PRKN: variants seen among roughly 807,000 people sequenced by gnomAD.
PRKN encodes parkin RBR E3 ubiquitin protein ligase.
Under a neutral mutation model 59.5 loss-of-function variants are expected in PRKN, and 56 were observed. The observed-to-expected ratio is 0.94, with a 90% CI of 0.76 to 1.18. The LOEUF (loss-of-function observed/expected upper bound fraction) is 1.18, where lower values mean the gene tolerates loss of function less well. Ranked by LOEUF, PRKN falls within the 50% of genes most tolerant of loss-of-function variation. PRKN has a pLI of 0.00. For missense variants in PRKN, 657 were observed against 596.4 expected (o/e 1.10, Z -1.06); for synonymous variants, 250 against 222.1 (o/e 1.13, Z -1.12).
intron 9 of PRKN, among the ~76,000 whole-genome samples, chr6:161,424,751 C>A (rs901518861): frequency 6.6e-6 from 1 of 152,122 alleles, no homozygotes; most frequent in Non-Finnish European, 1.5e-5. Flanking sequence ...GTAGGCAAAA[C>A]CACTGTGAGC....
intron 1 of PRKN, among the ~76,000 whole-genome samples, chr6:162,605,861 AT>A (rs1393836500): frequency 2.0e-5 from 3 of 152,120 alleles, no homozygotes; most frequent in Non-Finnish European, 4.4e-5. Context: ...AAATTTGCCA[AT>A]GGCTTCTATT....
At chr6:162,567,062 C>T (rs2128207622) in intron 1 of PRKN, among the ~76,000 whole-genome samples, 1 of 152,206 alleles carries the variant, frequency 6.6e-6, no homozygotes, top group South Asian at 2.1e-4. Flanking sequence ...AATTCAACAT[C>T]CTTCATGATA....
chr6:162,412,389 G>A (rs979122689), intron 2 of PRKN, among the ~76,000 whole-genome samples: 1 of 151,990 alleles, frequency 6.6e-6, no homozygotes, highest in African/African-American at 2.4e-5. Context: ...AGGAAGTGGG[G>A]ACTACGGGAC....
intron 7 of PRKN, among the ~76,000 whole-genome samples, chr6:161,757,014 C>T (rs961585439): frequency 6.6e-6 from 1 of 152,060 alleles, no homozygotes; most frequent in Non-Finnish European, 1.5e-5. Context: ...TCAGTGGATG[C>T]TGTTTGAAAA....
chr6:162,111,943 C>G (rs1780456910), intron 4 of PRKN, among the ~76,000 whole-genome samples: 2 of 152,146 alleles, frequency 1.3e-5, no homozygotes, highest in African/African-American at 4.8e-5. Context: ...AAACTGTGTT[C>G]CAGATACAGA....
intron 9 of PRKN, among the ~76,000 whole-genome samples, chr6:161,495,557 C>T (rs1777718375): frequency 6.6e-6 from 1 of 152,178 alleles, no homozygotes; most frequent in Non-Finnish European, 1.5e-5. Flanking sequence ...AAGGCATGTT[C>T]CCAGCCCTTC....
At chr6:162,327,579 G>A (rs1270830874) in intron 2 of PRKN, among the ~76,000 whole-genome samples, 4 of 139,760 alleles carry the variant, frequency 2.9e-5, no homozygotes, top group Admixed American at 2.2e-4. Context: ...CTTGACAATG[G>A]TTTTCTCTAC....
chr6:162,442,922 G>A (rs1333956082), intron 2 of PRKN, among the ~76,000 whole-genome samples: 1 of 152,084 alleles, frequency 6.6e-6, no homozygotes, highest in Non-Finnish European at 1.5e-5. Context: ...TCACAGTGCA[G>A]GGACTGAGCA....
At chr6:162,305,316 T>C (rs1014824311) in intron 2 of PRKN, among the ~76,000 whole-genome samples, 1 of 152,192 alleles carries the variant, frequency 6.6e-6, no homozygotes. Flanking sequence ...AAGTTAATAT[T>C]ATGATACATC....
In PRKN at chr6:162,364,668, C is replaced by T. The variant is rs566336934; in HGVS notation, c.171+78642G>A. ...ACCTTTAAAGGATTATCTTAACATG[C>T]GGCGAGCTGGGCCCTCTCATGTGTT... On this transcript the variant is annotated intron_variant, in intron 2 of 11. Transcript: ENST00000366898. 3.7e-4 allele frequency among the ~76,000 whole-genome samples: 56 copies of T among 152,144 alleles called. 1 individual carries two copies. The South Asian group carries it at 9.6e-3, about 26-fold the overall frequency.
At chr6:161,828,550 C>A (rs1792342159) in intron 6 of PRKN, among the ~76,000 whole-genome samples, 1 of 152,160 alleles carries the variant, frequency 6.6e-6, no homozygotes, top group African/African-American at 2.4e-5. Context: ...TTTCCTGCCC[C>A]TCCCACAGGC....
At chr6:162,306,799 C>T (rs1223949338) in intron 2 of PRKN, among the ~76,000 whole-genome samples, 4 of 152,134 alleles carry the variant, frequency 2.6e-5, no homozygotes, top group African/African-American at 7.2e-5. Context: ...CTATGGCCAA[C>T]GAGGCAGAGC....
chr6:161,970,509 C>G (rs1419311648), intron 6 of PRKN, among the ~76,000 whole-genome samples: 1 of 151,236 alleles, frequency 6.6e-6, no homozygotes, highest in Non-Finnish European at 1.5e-5. Context: ...AGAAATTTTA[C>G]TAAGCATGAG....
In PRKN at chr6:161,566,649, C is replaced by T. The variant is rs1220207026; in HGVS notation, c.933+2706G>A. Among the ~76,000 whole-genome samples, 1 of 152,170 alleles carries T rather than the reference C, an allele frequency of 6.6e-6. No individual in the cohort carries two copies. Among genetic ancestry groups the T allele is most frequent in the Non-Finnish European group, 1.5e-5 (1 of 68,026 alleles). On this transcript the variant is annotated intron_variant, in intron 8 of 11. Coordinates refer to ENST00000366898, the MANE Select transcript of PRKN (RefSeq NM_004562.3). The surrounding 1 kb of genome is among the most constrained non-coding windows in gnomAD (Gnocchi z 4.1). The stretch of plus-strand genomic sequence containing the variant: ...CTCAGACTCCTGACCTCAGGTGATC[C>T]ATTCGCCTTAGCCTCCCAAAGATGT...
At chr6:162,468,126 C>T (rs1003110075) in intron 1 of PRKN, among the ~76,000 whole-genome samples, 10 of 152,126 alleles carry the variant, frequency 6.6e-5, no homozygotes, top group Non-Finnish European at 1.5e-4. Flanking sequence ...AGGGACTTTG[C>T]CTCTGTATAT....
intron 7 of PRKN, among the ~76,000 whole-genome samples, chr6:161,778,065 TA>T (rs2128205001): frequency 1.3e-5 from 2 of 151,988 alleles, no homozygotes; most frequent in South Asian, 4.2e-4. Context: ...TTGTATGGGC[TA>T]GGGGCAGGGT....
chr6:162,216,561 A>AAC (rs1777678289), intron 3 of PRKN, among the ~76,000 whole-genome samples: 2 of 150,912 alleles, frequency 1.3e-5, no homozygotes, highest in Non-Finnish European at 2.9e-5. Flanking sequence ...AAAAAAAAAA[A>AAC]AAACCCAGTT....
intron 4 of PRKN, among the ~76,000 whole-genome samples, chr6:162,074,910 T>C (rs893060505): frequency 1.3e-5 from 2 of 152,242 alleles, no homozygotes; most frequent in African/African-American, 2.4e-5. Flanking sequence ...ATCACAGGGA[T>C]AGCAGAATTG....
intron 4 of PRKN, among the ~76,000 whole-genome samples, chr6:162,082,785 C>T (rs184709237): frequency 1.1e-3 from 165 of 151,990 alleles, no homozygotes; most frequent in African/African-American, 3.2e-3. Context: ...AATAGGGAGG[C>T]CCAAGGAGAG....
Sources: allele counts gnomAD v4.1 joint callset (sites outside exome capture counted in the v4.1 genomes callset), GRCh38; gene constraint gnomAD v4.1.1; non-coding constraint Gnocchi (gnomAD v3.1); transcripts MANE v1.5; gene names NCBI Gene and HGNC (gene_info 2026-07-23, HGNC 2026-07-21).